DNMT3A: variants seen among roughly 807,000 people sequenced by gnomAD.
DNMT3A encodes DNA (cytosine-5)-methyltransferase 3A.
DNMT3A carries 267 observed loss-of-function variants against 117.6 expected under a neutral mutation model. The observed-to-expected ratio is 2.27, with a 90% CI of 2.05 to 2.51. The LOEUF (loss-of-function observed/expected upper bound fraction) is 2.51. DNMT3A is among the 30% of genes most tolerant of loss of function. The pLI, the probability that DNMT3A is intolerant of heterozygous loss-of-function variation, is 0.00. For missense variants in DNMT3A, 1,029 were observed against 1,260.2 expected (o/e 0.82, Z 2.78); for synonymous variants, 432 against 474.8 (o/e 0.91, Z 1.17).
At chr2:25,321,079 G>A (rs1433425954) in intron 1 of DNMT3A, among the ~76,000 whole-genome samples, 2 of 151,910 alleles carry the variant, frequency 1.3e-5, no homozygotes, top group Non-Finnish European at 2.9e-5. Context: ...GTTGCGGTGA[G>A]CGGAGATGGC....
rs2035340343 is a variant in DNMT3A at position 25,339,769 on chromosome 2, A to G, written c.-178+2057T>C. On this transcript the variant is annotated intron_variant, in intron 1 of 22. Transcript: ENST00000321117. This position sits in a 1 kb window ranked among gnomAD's most constrained non-coding sequence, Gnocchi z 4.9. ...TGGAGATGGCCCCTGCTAGCCAACC[A>G]AAGAGGGTCCCCGGGATGCCTGGCC... Among the ~76,000 whole-genome samples, 1 of 152,144 alleles carries G rather than the reference A, an allele frequency of 6.6e-6. No homozygotes were observed. The highest frequency in any genetic ancestry group is 2.4e-5 in the African/African-American group (1 of 41,436).
intron 4 of DNMT3A, among the ~76,000 whole-genome samples, chr2:25,276,774 G>C (rs1323428326): frequency 3.3e-5 from 5 of 152,248 alleles, no homozygotes; most frequent in Non-Finnish European, 7.3e-5. Context: ...GCCCACTGCA[G>C]GAAGGTCACT....
At chr2:25,331,222 A>G (rs2384146) in intron 1 of DNMT3A, among the ~76,000 whole-genome samples, 62,431 of 152,090 alleles carry the variant, frequency 0.41, 13,036 homozygotes, top group Non-Finnish European at 0.43. Context: ...TCCAGTCCCC[A>G]GCCTGGTGGC....
chr2:25,282,311 A>G lies in DNMT3A; in HGVS notation c.448+130T>C. On this transcript the variant is annotated intron_variant, in intron 4 of 22. Transcript: ENST00000321117. The surrounding 1 kb of genome is among the most constrained non-coding windows in gnomAD (Gnocchi z 5.2). ...ATCCAGCCAGTAGCCTCCAGGCCAT[A>G]GCCTTGGCAAGCAGACCTTTAGCCA... 1 of 1,487,420 alleles carries G rather than the reference A, an allele frequency of 6.7e-7. No individual in the cohort carries two copies. Among genetic ancestry groups the G allele is most frequent in the Admixed American group, 2.2e-5 (1 of 45,100 alleles). The allele number at this position is 1,487,420 out of a possible 1,614,324, so 92.1% of individuals were successfully genotyped here. A position where few individuals can be genotyped will look rare whatever the true frequency, so the allele number is the denominator to read the frequency against.
chr2:25,242,342 C>T (rs1043622466), intron 16 of DNMT3A, among the ~76,000 whole-genome samples: 1 of 152,150 alleles, frequency 6.6e-6, no homozygotes, highest in East Asian at 1.9e-4. Flanking sequence ...ATCCCTCCCC[C>T]TCCAGAAATG....
At position 25,236,925 on chromosome 2, in the gene DNMT3A, C is replaced by T; in HGVS notation, c.2478+11G>A. The T allele has an allele frequency of 6.2e-7, 1 of 1,610,534 alleles. No homozygotes were observed. The highest frequency in any genetic ancestry group is 1.1e-5 in the South Asian group (1 of 90,038). Reference sequence around the variant, plus strand: ...TGCCCCCCAGCAGAGGTTCTAGACGCTGGAGCTGACCTTGGCTATCCTGCC... The same window carrying T: ...TGCCCCCCAGCAGAGGTTCTAGACGTTGGAGCTGACCTTGGCTATCCTGCC... On this transcript the variant is annotated intron_variant, in intron 21 of 22. Coordinates refer to ENST00000321117, the MANE Select transcript of DNMT3A (RefSeq NM_022552.5). The surrounding 1 kb of genome is among the most constrained non-coding windows in gnomAD (Gnocchi z 4.5).
intron 1 of DNMT3A, among the ~76,000 whole-genome samples, chr2:25,318,432 G>A (rs1468849852): frequency 5.3e-5 from 8 of 151,978 alleles, no homozygotes; most frequent in East Asian, 1.9e-4. Context: ...GACCACAGGC[G>A]CCCGTCACCA....
At chr2:25,313,209 T>A (rs1207351154) in intron 2 of DNMT3A, among the ~76,000 whole-genome samples, 2 of 152,032 alleles carry the variant, frequency 1.3e-5, no homozygotes, top group East Asian at 3.9e-4. Context: ...TCTGATGTAA[T>A]CTCCTCTGAC....
rs2034848584 is a variant in DNMT3A, at chr2:25,327,974, CTT to C, written c.-177-13815_-177-13814del. Among the ~76,000 whole-genome samples, 1 of 152,170 alleles carries C rather than the reference CTT, an allele frequency of 6.6e-6. No homozygotes were observed. The highest frequency in any genetic ancestry group is 6.5e-5 in the Admixed American group (1 of 15,280). The stretch of plus-strand genomic sequence containing the variant: ...TATTCCCTCCAGGCCCTTTGTACCT[CTT>C]GTGTCTGTGGCACAATAACCTGGTA... On this transcript the variant is annotated intron_variant, in intron 1 of 22. Coordinates refer to ENST00000321117, the MANE Select transcript of DNMT3A (RefSeq NM_022552.5). This position sits in a 1 kb window ranked among gnomAD's most constrained non-coding sequence, Gnocchi z 4.1.
intron 6 of DNMT3A, among the ~76,000 whole-genome samples, chr2:25,271,747 T>G (rs1181018839): frequency 1.3e-5 from 2 of 150,294 alleles, no homozygotes; most frequent in Non-Finnish European, 3.0e-5. Flanking sequence ...ATATTTTGTT[T>G]GGAGATCTCC....
At chr2:25,288,762 G>T (rs2032516912) in intron 3 of DNMT3A, among the ~76,000 whole-genome samples, 1 of 152,134 alleles carries the variant, frequency 6.6e-6, no homozygotes, top group Non-Finnish European at 1.5e-5. Context: ...ATCCCAAACG[G>T]AAACTGTCTC....
intron 6 of DNMT3A, among the ~76,000 whole-genome samples, chr2:25,264,822 G>T (rs1434972276): frequency 6.6e-6 from 1 of 152,158 alleles, no homozygotes; most frequent in Non-Finnish European, 1.5e-5. Flanking sequence ...TATATGCGAG[G>T]TCTGAGAATT....
At chr2:25,331,327 C>T (rs913776558) in intron 1 of DNMT3A, among the ~76,000 whole-genome samples, 1 of 152,242 alleles carries the variant, frequency 6.6e-6, no homozygotes, top group Non-Finnish European at 1.5e-5. Flanking sequence ...TGGAAATAGC[C>T]TTCCACATTA....
chr2:25,313,879 G>C, intron 2 of DNMT3A, 34 bp downstream of exon 2: 1 of 1,548,884 alleles, frequency 6.5e-7, no homozygotes, highest in South Asian at 1.2e-5. Context: ...CCCTCTCCCA[G>C]GCCAGAGGGT....
At chr2:25,333,245 T>C (rs1216992592) in intron 1 of DNMT3A, among the ~76,000 whole-genome samples, 1 of 151,890 alleles carries the variant, frequency 6.6e-6, no homozygotes, top group African/African-American at 2.4e-5. Context: ...GAGTCCACCA[T>C]GGGCTTGGGG....
chr2:25,292,142 TCA>T, intron 3 of DNMT3A, among the ~76,000 whole-genome samples: 1 of 151,942 alleles, frequency 6.6e-6, no homozygotes, highest in Non-Finnish European at 1.5e-5. Context: ...AGGCCTGCTC[TCA>T]CATTGTGTAG....
chr2:25,323,835 C>T lies in DNMT3A; in HGVS notation c.-177-9674G>A, dbSNP rs10175665. Among the ~76,000 whole-genome samples, 1,506 of 152,298 alleles carry T rather than the reference C, an allele frequency of 9.9e-3. 22 individuals are homozygous for T. Among genetic ancestry groups the T allele is most frequent in the African/African-American group, 0.034 (1,420 of 41,552 alleles). Reference sequence around the variant, plus strand: ...TTAATCCTCACACCTCACCCCAACCCTTTGAAGTGGGTACTATTTTTATCC... The same window carrying T: ...TTAATCCTCACACCTCACCCCAACCTTTTGAAGTGGGTACTATTTTTATCC... On this transcript the variant is annotated intron_variant, in intron 1 of 22. Transcript: ENST00000321117.
At chr2:25,255,723 G>A (rs1456139883) in intron 6 of DNMT3A, among the ~76,000 whole-genome samples, 1 of 152,212 alleles carries the variant, frequency 6.6e-6, no homozygotes, top group African/African-American at 2.4e-5. Context: ...CAAGCATTAT[G>A]ATTTGTGTGG....
intron 1 of DNMT3A, among the ~76,000 whole-genome samples, chr2:25,332,632 G>A (rs573243942): frequency 2.6e-5 from 4 of 152,348 alleles, no homozygotes; most frequent in South Asian, 2.1e-4. Context: ...CCAGCATCTC[G>A]CCATGCCGTG....
Sources: allele counts gnomAD v4.1 joint callset (sites outside exome capture counted in the v4.1 genomes callset), GRCh38; gene constraint gnomAD v4.1.1; non-coding constraint Gnocchi (gnomAD v3.1); transcripts MANE v1.5; gene names NCBI Gene and HGNC (gene_info 2026-07-23, HGNC 2026-07-21).